Variants in SLFN11 observed in about 807,000 individuals in gnomAD.
SLFN11 encodes the protein schlafen family member 11.
SLFN11 carries 43 observed loss-of-function variants against 53.4 expected under a neutral mutation model. The observed-to-expected ratio is 0.80, with a 90% CI of 0.63 to 1.04. The LOEUF (loss-of-function observed/expected upper bound fraction) is 1.04, where lower values mean the gene tolerates loss of function less well. Ranked by LOEUF, SLFN11 falls within the 50% of genes least tolerant of loss-of-function variation. The probability of loss-of-function intolerance (pLI) is 0.00; values close to 1 mark genes in which losing one functional copy is unlikely to be tolerated. For synonymous variants in SLFN11, 389 were observed against 394.7 expected (o/e 0.99, Z 0.17); for missense variants, 990 against 1,079.1 (o/e 0.92, Z 1.16).
In SLFN11 at chr17:35,352,905, T is replaced by C. The variant is rs1358740215; in HGVS notation, c.2157A>G (p.Ser719=). Residue 719 remains serine (S), a synonymous_variant, in exon 7 of 7, where the codon TCA becomes TCG. Coordinates refer to ENST00000685675, the MANE Select transcript of SLFN11 (RefSeq NM_001376007.1). Reference sequence around the variant, plus strand: ...TGAGCTCTTCTCTTGGATATTGGTCTGAGAGAGGAGGGAGGCCACTGCAAT... The same window carrying C: ...TGAGCTCTTCTCTTGGATATTGGTCCGAGAGAGGAGGGAGGCCACTGCAAT... The part of the protein sequence containing the change: ...HLDCSGLPPL[S]DQYPREELTR... 1 of 1,614,078 alleles carries C rather than the reference T, an allele frequency of 6.2e-7. No homozygotes were observed. The highest frequency in any genetic ancestry group is 1.3e-5 in the African/African-American group (1 of 74,920).
chr17:35,357,493 T>C (rs1907666732), intron 5 of SLFN11, among the ~76,000 whole-genome samples: 1 of 151,600 alleles, frequency 6.6e-6, no homozygotes, highest in Non-Finnish European at 1.5e-5. Context: ...TATGTTAGTA[T>C]ATGAAGTAAA....
intron 3 of SLFN11, among the ~76,000 whole-genome samples, chr17:35,366,452 T>A (rs568851502): frequency 6.6e-6 from 1 of 152,268 alleles, no homozygotes; most frequent in South Asian, 2.1e-4. Flanking sequence ...ATTTGAAAAT[T>A]ATTTTTTTTA....
Position 35,353,923 on chromosome 17 carries a change from C to A in SLFN11, c.1335G>T (p.Trp445Cys). The A allele has an allele frequency of 6.2e-7, 1 of 1,613,896 alleles. No homozygotes were observed. The highest frequency in any genetic ancestry group is 8.5e-7 in the Non-Finnish European group (1 of 1,179,990). ...TCTCCTGCAAGTTCAGGTCCACAGC[C>A]CAACTTCTAGAGAAGATCAAAATTC... ...FRGILIFSRS[W>C]AVDLNLQEKP... The change falls in exon 6 of 7, where the codon TGG becomes TGT. Residue 445 changes from tryptophan to cysteine, a missense_variant. Transcript: ENST00000685675.
At chr17:35,365,572 G>C (rs1372494283) in intron 3 of SLFN11, among the ~76,000 whole-genome samples, 1 of 152,098 alleles carries the variant, frequency 6.6e-6, no homozygotes, top group Non-Finnish European at 1.5e-5. Context: ...AGGGATTATA[G>C]GCATGAGCCA....
In SLFN11 at chr17:35,353,358, G is replaced by C; in HGVS notation, c.1900C>G (p.Gln634Glu). ...TACCTGATAAAGTTCCTCAGAGGCT[G>C]GTTTTCACAAACGTAGAGAATTCTG... ...AHRILYVCEN[Q>E]PLRNFISDRN... Residue 634 changes from glutamine to glutamate, a missense_variant, in exon 6 of 7, where the codon CAG becomes GAG. Gln to Glu is a conservative substitution (Grantham distance 29). Around this residue, in one of 3 missense-constraint regions of SLFN11, gnomAD observed 156 missense variants for 241.9 expected, o/e 0.64. Transcript: ENST00000685675. 6.2e-7 allele frequency: 1 copy of C among 1,612,814 alleles called. No homozygotes were observed. Among genetic ancestry groups the C allele is most frequent in the South Asian group, 1.1e-5 (1 of 90,944 alleles).
intron 4 of SLFN11, 92 bp from the exon 5 acceptor site, chr17:35,360,463 T>C (rs1908066112): frequency 8.4e-7 from 1 of 1,195,440 alleles, no homozygotes. Flanking sequence ...ACTTTCTAAA[T>C]AGTTTGACTT....
chr17:35,361,575 C>T (rs975241649), intron 4 of SLFN11, among the ~76,000 whole-genome samples: 1 of 152,040 alleles, frequency 6.6e-6, no homozygotes, highest in Admixed American at 6.5e-5. Context: ...GATCCTCCCA[C>T]CACAGCCTCC....
Position 35,363,259 on chromosome 17 carries a change from A to G in SLFN11, c.549T>C (p.Ala183=). ...GGTCAGCAGGATCCGAGTTTGGGTCAGCAGGATCCGAGTTAGGGAGCTCTT... is the reference window on the plus strand; with the variant it reads ...GGTCAGCAGGATCCGAGTTTGGGTCGGCAGGATCCGAGTTAGGGAGCTCTT... ...VYQELPNSDP[A]DPNSDPADLI... Residue 183 remains alanine, a synonymous_variant, in exon 4 of 7, where the codon GCT becomes GCC. Coordinates refer to ENST00000685675, the MANE Select transcript of SLFN11 (RefSeq NM_001376007.1). The G allele has an allele frequency of 1.2e-6, 2 of 1,614,094 alleles. No homozygotes were observed. The highest frequency in any genetic ancestry group is 1.7e-6 in the Non-Finnish European group (2 of 1,179,992).
chr17:35,364,097 A>G (rs907693659), intron 3 of SLFN11, among the ~76,000 whole-genome samples: 1 of 152,154 alleles, frequency 6.6e-6, no homozygotes, highest in African/African-American at 2.4e-5. Flanking sequence ...TCCAAGGCAA[A>G]GGTGACATTT....
At position 35,353,120 on chromosome 17, in the gene SLFN11, C is replaced by T. The variant is rs146793614; in HGVS notation, c.1942G>A (p.Ala648Thr). Residue 648 changes from alanine to threonine, a missense_variant, in exon 7 of 7, where the codon GCA (alanine) becomes ACA (threonine). Transcript: ENST00000685675. ...CTTAGGAAAGTTTTCCGGGTCTCTGCTCGGCAGATATTTCTATCACTGTAA... is the reference window on the plus strand; with the variant it reads ...CTTAGGAAAGTTTTCCGGGTCTCTGTTCGGCAGATATTTCTATCACTGTAA... ...NFISDRNICR[A>T]ETRKTFLREN... 2 of 1,613,556 alleles carry T rather than the reference C, an allele frequency of 1.2e-6. No individual in the cohort carries two copies. The highest frequency in any genetic ancestry group is 1.1e-5 in the South Asian group (1 of 90,982).
chr17:35,366,375 T>C (rs1360293072), intron 3 of SLFN11, among the ~76,000 whole-genome samples: 1 of 152,150 alleles, frequency 6.6e-6, no homozygotes, highest in East Asian at 1.9e-4. Context: ...GATATCACTA[T>C]TTGAAAATTA....
rs775747386 is a variant in SLFN11, at chr17:35,352,369, C to G, written c.2693G>C (p.Trp898Ser). The G allele has an allele frequency of 1.9e-6, 3 of 1,613,600 alleles. No homozygotes were observed. The Admixed American group carries it at 5.0e-5, about 27-fold the overall frequency. ...RAKQHLYIFP[W>S]GGH Reference sequence around the variant, plus strand: ...TTGGAGTTCTTCCTAATGGCCACCCCACGGAAAAATATACAGGTGTTGTTT... The same window carrying G: ...TTGGAGTTCTTCCTAATGGCCACCCGACGGAAAAATATACAGGTGTTGTTT... Residue 898 changes from tryptophan (W) to serine (S), a missense_variant, in exon 7 of 7, where the codon TGG (tryptophan) becomes TCG (serine). Physicochemically the swap from Trp to Ser is radical, Grantham distance 177. Coordinates refer to ENST00000685675, the MANE Select transcript of SLFN11 (RefSeq NM_001376007.1).
intron 1 of SLFN11, among the ~76,000 whole-genome samples, chr17:35,372,915 G>C (rs1413350017): frequency 6.6e-6 from 1 of 152,030 alleles, no homozygotes; most frequent in African/African-American, 2.4e-5. Context: ...TGTCCAGAGG[G>C]AGACATTTTT....
intron 1 of SLFN11, among the ~76,000 whole-genome samples, chr17:35,369,662 T>G (rs1420147503): frequency 6.6e-6 from 1 of 151,856 alleles, no homozygotes; most frequent in South Asian, 2.1e-4. Context: ...CCCAAATAAA[T>G]GAAATCAGAG....
intron 4 of SLFN11, 95 bp downstream of exon 4, chr17:35,362,644 A>T (rs1185766779): frequency 1.1e-6 from 1 of 925,186 alleles, no homozygotes; most frequent in Non-Finnish European, 1.6e-6. Flanking sequence ...AGTGGATGTA[A>T]GATGTTCAAA....
At chr17:35,365,766 A>G (rs1234393473) in intron 3 of SLFN11, among the ~76,000 whole-genome samples, 2 of 152,188 alleles carry the variant, frequency 1.3e-5, no homozygotes, top group Non-Finnish European at 2.9e-5. Flanking sequence ...ATGATGATAA[A>G]TTTAAAAAGC....
chr17:35,371,431 A>G (rs914067784), intron 1 of SLFN11, among the ~76,000 whole-genome samples: 12 of 152,088 alleles, frequency 7.9e-5, no homozygotes, highest in Non-Finnish European at 1.5e-4. Flanking sequence ...ATTGAGCAAT[A>G]CCCCACAAGC....
In SLFN11 at chr17:35,353,951, C is replaced by G. The variant is rs146126445; in HGVS notation, c.1307G>C (p.Arg436Pro). ...ACTTCTAGAGAAGATCAAAATTCCC[C>G]GAAAGAAAGGTTGCATTTGCTTATT... is the stretch of plus-strand genomic sequence containing the variant. Reference protein sequence around the residue: ...LINKQMQPFFRGILIFSRSWA... With the variant: ...LINKQMQPFFPGILIFSRSWA... The change falls in exon 6 of 7, where the codon CGG becomes CCG. Residue 436 changes from arginine (R) to proline (P), a missense_variant. Arg to Pro is a moderately radical substitution (Grantham distance 103). Transcript: ENST00000685675. 48 of 1,613,830 alleles carry G rather than the reference C, an allele frequency of 3.0e-5. No individual in the cohort carries two copies. The African/African-American group carries it at 6.3e-4, about 21-fold the overall frequency.
At chr17:35,356,739 T>C (rs1907526655) in intron 5 of SLFN11, among the ~76,000 whole-genome samples, 3 of 151,888 alleles carry the variant, frequency 2.0e-5, no homozygotes, top group Admixed American at 2.0e-4. Context: ...TTTGCTATTA[T>C]GTTAATACTA....
Sources: allele counts gnomAD v4.1 joint callset (sites outside exome capture counted in the v4.1 genomes callset), GRCh38; gene constraint gnomAD v4.1.1; regional missense constraint gnomAD v4.1.1; transcripts MANE v1.5; gene names NCBI Gene and HGNC (gene_info 2026-07-23, HGNC 2026-07-21).